Variants in TPH2 observed in about 807,000 individuals in gnomAD.
TPH2 encodes tryptophan 5-hydroxylase 2.
TPH2 carries 27 observed loss-of-function variants against 59.1 expected under a neutral mutation model. The observed-to-expected ratio is 0.46, with a 90% CI of 0.34 to 0.63. The LOEUF (loss-of-function observed/expected upper bound fraction) is 0.63. TPH2 is among the 30% of genes least tolerant of loss of function. TPH2 has a pLI of 0.01. For synonymous variants in TPH2, 220 were observed against 210.5 expected (o/e 1.05, Z -0.39); for missense variants, 523 against 588.3 (o/e 0.89, Z 1.15).
intron 8 of TPH2, among the ~76,000 whole-genome samples, chr12:71,999,453 C>T (rs536344653): frequency 6.6e-6 from 1 of 152,314 alleles, no homozygotes; most frequent in South Asian, 2.1e-4. Context: ...CTCATCATAG[C>T]TGTCCGAGGT....
intron 7 of TPH2, among the ~76,000 whole-genome samples, chr12:71,990,131 T>C (rs1318959969): frequency 6.6e-6 from 1 of 152,102 alleles, no homozygotes; most frequent in Non-Finnish European, 1.5e-5. Context: ...GATGTAGAGA[T>C]TGGAGGCAGC....
intron 5 of TPH2, chr12:71,961,681 T>A (rs1871686960): frequency 1.5e-6 from 2 of 1,350,980 alleles, no homozygotes; most frequent in African/African-American, 1.5e-5. Flanking sequence ...TCCATTGTTG[T>A]TGCTGTTGAT....
intron 7 of TPH2, 76 bp downstream of exon 7, chr12:71,979,163 G>A: frequency 6.3e-7 from 1 of 1,594,716 alleles, no homozygotes; most frequent in South Asian, 1.1e-5. Flanking sequence ...AATGACTTAG[G>A]CCCTGTTTTA....
intron 5 of TPH2, among the ~76,000 whole-genome samples, chr12:71,957,124 A>G (rs1259621781): frequency 6.6e-6 from 1 of 152,096 alleles, no homozygotes; most frequent in Non-Finnish European, 1.5e-5. Context: ...AGTCTCTCTA[A>G]TTCTCAAGCT....
intron 8 of TPH2, among the ~76,000 whole-genome samples, chr12:72,019,033 A>G (rs1278919538): frequency 6.6e-6 from 1 of 152,176 alleles, no homozygotes; most frequent in Non-Finnish European, 1.5e-5. Context: ...GCTTTATTCT[A>G]TGACTGTATG....
At chr12:72,012,346 G>T (rs1452397698) in intron 8 of TPH2, among the ~76,000 whole-genome samples, 1 of 152,166 alleles carries the variant, frequency 6.6e-6, no homozygotes, top group African/African-American at 2.4e-5. Flanking sequence ...TAACCTGCCA[G>T]ATGGACACGA....
rs149554405 is a variant in TPH2 at position 71,945,500 on chromosome 12, G to A, written c.540+814G>A. Among the ~76,000 whole-genome samples the A allele has an allele frequency of 1.1e-4, 16 of 152,112 alleles. No individual in the cohort carries two copies. In the East Asian group the frequency reaches 2.5e-3, roughly 24 times the overall value. On this transcript the variant is annotated intron_variant, in intron 4 of 10. Transcript: ENST00000333850. Reference sequence around the variant, plus strand: ...AGTGAAACCCAAGCAGATCACTAACGCTTACAGGGTGCCTCTGTGGTCTGC... The same window carrying A: ...AGTGAAACCCAAGCAGATCACTAACACTTACAGGGTGCCTCTGTGGTCTGC...
chr12:71,979,037 C>G lies in TPH2; in HGVS notation c.891C>G (p.His297Gln). 6.2e-7 allele frequency: 1 copy of G among 1,614,196 alleles called. No homozygotes were observed. Among genetic ancestry groups the G allele is most frequent in the Non-Finnish European group, 8.5e-7 (1 of 1,180,014 alleles). Residue 297 changes from histidine to glutamine, a missense_variant, in exon 7 of 11, where the codon CAC becomes CAG. By Grantham distance (24) the His-to-Gln change is conservative. Transcript: ENST00000333850. ...FLAGLAYRVF[H>Q]CTQYIRHGSD... is the part of the protein sequence containing the mutation. ...CAGGACTGGCCTACAGAGTGTTCCA[C>G]TGTACCCAGTACATCCGGCATGGCT...
chr12:72,029,725 A>G (rs1207500244), intron 9 of TPH2, among the ~76,000 whole-genome samples: 2 of 152,172 alleles, frequency 1.3e-5, no homozygotes, highest in African/African-American at 2.4e-5. Flanking sequence ...TGTGATTCAT[A>G]TATGCATTTA....
chr12:72,029,903 C>T (rs1207027970), intron 9 of TPH2, among the ~76,000 whole-genome samples: 1 of 151,986 alleles, frequency 6.6e-6, no homozygotes, highest in Non-Finnish European at 1.5e-5. Context: ...GAGGAATGCA[C>T]GAAGAATATT....
chr12:72,023,741 T>G (rs904641607), intron 9 of TPH2, among the ~76,000 whole-genome samples: 1 of 148,168 alleles, frequency 6.7e-6, no homozygotes, highest in Non-Finnish European at 1.5e-5. Context: ...AGGCAAGCAC[T>G]TGAACCCAGG....
At chr12:72,000,731 A>G (rs531825389) in intron 8 of TPH2, among the ~76,000 whole-genome samples, 6 of 152,244 alleles carry the variant, frequency 3.9e-5, no homozygotes, top group Non-Finnish European at 8.8e-5. Flanking sequence ...AGATGAGTGT[A>G]TTTATGACTT....
intron 9 of TPH2, among the ~76,000 whole-genome samples, chr12:72,025,612 C>T (rs1873546930): frequency 6.6e-6 from 1 of 152,060 alleles, no homozygotes; most frequent in South Asian, 2.1e-4. Context: ...ACTACTTTTT[C>T]CCCCACAGCA....
At chr12:71,997,229 C>T (rs1872714559) in intron 8 of TPH2, among the ~76,000 whole-genome samples, 1 of 152,162 alleles carries the variant, frequency 6.6e-6, no homozygotes, top group South Asian at 2.1e-4. Context: ...CTCTCTCTCT[C>T]ACTGACCAAG....
chr12:72,028,880 C>G (rs976680829), intron 9 of TPH2, among the ~76,000 whole-genome samples: 2 of 152,156 alleles, frequency 1.3e-5, no homozygotes, highest in African/African-American at 4.8e-5. Flanking sequence ...TCCTAATGGC[C>G]TGCCTCAAAT....
intron 5 of TPH2, among the ~76,000 whole-genome samples, chr12:71,954,962 G>A (rs1416196952): frequency 6.6e-6 from 1 of 152,004 alleles, no homozygotes; most frequent in Non-Finnish European, 1.5e-5. Flanking sequence ...TATTGTGATT[G>A]TGTTTTATTA....
At chr12:71,974,570 G>A (rs1872063662) in intron 6 of TPH2, among the ~76,000 whole-genome samples, 1 of 152,078 alleles carries the variant, frequency 6.6e-6, no homozygotes, top group Admixed American at 6.5e-5. Context: ...AATTATCTAG[G>A]ACAGTCTCTC....
In TPH2 at chr12:72,022,454, C is replaced by A; in HGVS notation, c.1124C>A (p.Ala375Glu). 1 of 1,613,998 alleles carries A rather than the reference C, an allele frequency of 6.2e-7. No homozygotes were observed. Among genetic ancestry groups the A allele is most frequent in the Non-Finnish European group, 8.5e-7 (1 of 1,179,888 alleles). Reference sequence around the variant, plus strand: ...TGCAAGCAAGAAGGGCAACTGCGGGCATATGGAGCAGGACTCCTTTCCTCC... The same window carrying A: ...TGCAAGCAAGAAGGGCAACTGCGGGAATATGGAGCAGGACTCCTTTCCTCC... ...GLCKQEGQLR[A>E]YGAGLLSSIG... is the part of the protein sequence containing the mutation. The change falls in exon 9 of 11, where the codon GCA becomes GAA. Residue 375 changes from alanine (A) to glutamate (E), a missense_variant. By Grantham distance (107) the Ala-to-Glu change is moderately radical. Transcript: ENST00000333850.
At chr12:71,964,734 C>A in intron 5 of TPH2, 1 of 985,178 alleles carries the variant, frequency 1.0e-6, no homozygotes, top group East Asian at 1.1e-4. Context: ...GTGAGACATG[C>A]AACAAATGCT....
Sources: allele counts gnomAD v4.1 joint callset (sites outside exome capture counted in the v4.1 genomes callset), GRCh38; gene constraint gnomAD v4.1.1; transcripts MANE v1.5; gene names NCBI Gene and HGNC (gene_info 2026-07-23, HGNC 2026-07-21).